LRP1B: variants seen among roughly 807,000 people sequenced by gnomAD.
LRP1B encodes low-density lipoprotein receptor-related protein 1B.
A neutral mutation model predicts 556.6 loss-of-function variants in LRP1B; 217 were observed. That is an observed-to-expected ratio of 0.39 (90% CI 0.35 to 0.44). The LOEUF (loss-of-function observed/expected upper bound fraction) is 0.44. Ranked by LOEUF, LRP1B falls within the 20% of genes least tolerant of loss-of-function variation. LRP1B has a pLI of 1.00. For synonymous variants in LRP1B, 2,047 were observed against 1,865.8 expected, an observed-to-expected ratio of 1.10 and a Z score of -2.50; for missense variants, 5,053 against 5,620.8, an observed-to-expected ratio of 0.90 and a Z score of 3.23.
intron 2 of LRP1B, among the ~76,000 whole-genome samples, chr2:141,780,315 T>G (rs1695212880): frequency 6.6e-6 from 1 of 152,086 alleles, no homozygotes; most frequent in Non-Finnish European, 1.5e-5. Flanking sequence ...GTATGATTCT[T>G]TTTTAAAATG....
chr2:141,952,999 G>C (rs1357646096), intron 1 of LRP1B, among the ~76,000 whole-genome samples: 1 of 152,020 alleles, frequency 6.6e-6, no homozygotes, highest in Non-Finnish European at 1.5e-5. Context: ...ATTAACTCTA[G>C]AGGGTAGCAA....
At chr2:141,033,908 A>G (rs74791197) in intron 11 of LRP1B, among the ~76,000 whole-genome samples, 18,624 of 152,126 alleles carry the variant, frequency 0.12, 1,311 homozygotes, top group East Asian at 0.22. Flanking sequence ...TTTTTGTATG[A>G]TTTTTGAGAC....
chr2:141,296,906 T>C (rs1433188394), intron 3 of LRP1B, among the ~76,000 whole-genome samples: 1 of 152,178 alleles, frequency 6.6e-6, no homozygotes, highest in Non-Finnish European at 1.5e-5. Context: ...CCCATCTTAA[T>C]GACTACTGTA....
rs375764417 is a variant in LRP1B, at chr2:141,490,268, G to A, written c.206-9735C>T. 6.8e-4 allele frequency among the ~76,000 whole-genome samples: 104 copies of A among 151,978 alleles called. No homozygotes were observed. In the South Asian group the frequency reaches 0.021, roughly 31 times the overall value. On this transcript the variant is annotated intron_variant, in intron 2 of 90. Coordinates refer to ENST00000389484, the MANE Select transcript of LRP1B (RefSeq NM_018557.3). ...CATCTGCTATGACCAAAGTACCGAT[G>A]GTATGTATTATTATGAATATAAACA...
At chr2:140,617,333 T>G (rs492797) in intron 41 of LRP1B, among the ~76,000 whole-genome samples, 150,246 of 152,006 alleles carry the variant, frequency 0.99, 74,280 homozygotes, top group Middle Eastern at 1. Flanking sequence ...AGGTGATACC[T>G]GCAAAACAGA....
intron 40 of LRP1B, among the ~76,000 whole-genome samples, chr2:140,700,926 A>T (rs1291241895): frequency 6.6e-6 from 1 of 152,116 alleles, no homozygotes; most frequent in African/African-American, 2.4e-5. Flanking sequence ...TGATACTTAT[A>T]GTGTTTCATA....
chr2:141,486,580 A>AG (rs1683129625), intron 2 of LRP1B, among the ~76,000 whole-genome samples: 1 of 151,952 alleles, frequency 6.6e-6, no homozygotes, highest in African/African-American at 2.4e-5. Context: ...AAACAGCATG[A>AG]CTTCTCCTTC....
chr2:140,805,166 C>T (rs17515899), intron 32 of LRP1B, among the ~76,000 whole-genome samples: 68,852 of 151,880 alleles, frequency 0.45, 16,809 homozygotes, highest in East Asian at 0.58. Flanking sequence ...CCTTTTTTGA[C>T]TGATCCCCAT....
At chr2:140,961,690 T>TA (rs1300946241) in intron 18 of LRP1B, among the ~76,000 whole-genome samples, 1 of 152,130 alleles carries the variant, frequency 6.6e-6, no homozygotes, top group Non-Finnish European at 1.5e-5. Context: ...GTAAGCATGT[T>TA]TACATTATTG....
At chr2:140,538,565 A>AT (rs375675931) in intron 45 of LRP1B, among the ~76,000 whole-genome samples, 3,674 of 120,524 alleles carry the variant, frequency 0.03, 145 homozygotes, top group African/African-American at 0.092. Context: ...CCAAAGATAT[A>AT]TTTCTTTTCT....
At chr2:141,074,471 C>T (rs78776223) in intron 7 of LRP1B, among the ~76,000 whole-genome samples, 5,197 of 151,702 alleles carry the variant, frequency 0.034, 97 homozygotes, top group South Asian at 0.073. Context: ...AAGCAGACTA[C>T]AACCTCCAAG....
chr2:141,608,148 C>A (rs879655297), intron 2 of LRP1B, among the ~76,000 whole-genome samples: 13 of 151,962 alleles, frequency 8.6e-5, no homozygotes, highest in Admixed American at 7.9e-4. Flanking sequence ...CGCTTGAACC[C>A]GGGAGGTGGA....
intron 66 of LRP1B, among the ~76,000 whole-genome samples, chr2:140,426,813 G>A (rs926029819): frequency 1.4e-4 from 22 of 152,134 alleles, no homozygotes; most frequent in Non-Finnish European, 2.9e-4. Flanking sequence ...ATTTGGTGCC[G>A]TGACTCGGAT....
intron 2 of LRP1B, among the ~76,000 whole-genome samples, chr2:141,568,417 A>G (rs140872737): frequency 2.0e-5 from 3 of 151,360 alleles, no homozygotes; most frequent in East Asian, 1.9e-4. Context: ...GAGTTGAAGT[A>G]TTTCTTGAAC....
At chr2:140,322,398 C>G (rs79148965) in intron 81 of LRP1B, among the ~76,000 whole-genome samples, 11,120 of 151,984 alleles carry the variant, frequency 0.073, 479 homozygotes, top group South Asian at 0.18. Flanking sequence ...GGTCCTAGAA[C>G]CTGAAGTACC....
chr2:141,785,689 G>A (rs1390252134), intron 2 of LRP1B, among the ~76,000 whole-genome samples: 2 of 150,724 alleles, frequency 1.3e-5, no homozygotes, highest in Non-Finnish European at 3.0e-5. Flanking sequence ...AGGAGAGACG[G>A]AGCAGAAATT....
chr2:140,306,456 A>T (rs943175571), intron 83 of LRP1B, among the ~76,000 whole-genome samples: 4 of 152,172 alleles, frequency 2.6e-5, no homozygotes, highest in African/African-American at 9.6e-5. Context: ...TGTTTATAGT[A>T]TTCTCTGATG....
chr2:140,469,854 C>T (rs1175022128), intron 60 of LRP1B, among the ~76,000 whole-genome samples: 2 of 152,196 alleles, frequency 1.3e-5, no homozygotes, highest in Non-Finnish European at 2.9e-5. Flanking sequence ...CTCCTGATTA[C>T]TAGCTCTGTG....
intron 7 of LRP1B, among the ~76,000 whole-genome samples, chr2:141,118,193 T>C (rs1700954158): frequency 6.6e-6 from 1 of 151,886 alleles, no homozygotes; most frequent in Non-Finnish European, 1.5e-5. Flanking sequence ...CAGTTTGCAC[T>C]AATTTTTTTA....
Sources: allele counts gnomAD v4.1 joint callset (sites outside exome capture counted in the v4.1 genomes callset), GRCh38; gene constraint gnomAD v4.1.1; transcripts MANE v1.5; gene names NCBI Gene and HGNC (gene_info 2026-07-23, HGNC 2026-07-21).